NDUFAF2: variants seen among roughly 807,000 people sequenced by gnomAD.
NDUFAF2 encodes NADH dehydrogenase [ubiquinone] 1 alpha subcomplex assembly factor 2.
Under a neutral mutation model 22.8 loss-of-function variants are expected in NDUFAF2, and 13 were observed. The observed-to-expected ratio is 0.57, with a 90% CI of 0.37 to 0.91. The LOEUF (loss-of-function observed/expected upper bound fraction) is 0.91. Among genes scored for constraint, NDUFAF2 ranks in the 40% least tolerant of loss-of-function variants. The pLI, the probability that NDUFAF2 is intolerant of heterozygous loss-of-function variation, is 0.01. For missense variants in NDUFAF2, 162 were observed against 195.2 expected (o/e 0.83, Z 1.01); for synonymous variants, 53 against 64.2 (o/e 0.83, Z 0.84).
In NDUFAF2 at chr5:61,034,912, A is replaced by ATATGTGTGTGTG. The variant is rs111557328; in HGVS notation, c.128-38212_128-38211insATGTGTGTGTGT. ...GGTTTTTTTAGGTAGGCAAATATAT[A>ATATGTGTGTGTG]TGTGTGTGTGTGTGTGTGTGTGTGT... is the stretch of plus-strand genomic sequence containing the variant. On this transcript the variant is annotated intron_variant, in intron 1 of 3. Transcript: ENST00000296597. Among the ~76,000 whole-genome samples, 1,101 of 144,966 alleles carry ATATGTGTGTGTG rather than the reference A, an allele frequency of 7.6e-3. 46 individuals carry two copies. Among genetic ancestry groups the ATATGTGTGTGTG allele is most frequent in the Admixed American group, 0.062 (890 of 14,268 alleles).
chr5:61,099,351 G>T lies in NDUFAF2; in HGVS notation c.258+319G>T, dbSNP rs182513469. Among the ~76,000 whole-genome samples the T allele has an allele frequency of 5.9e-5, 9 of 151,366 alleles. No homozygotes were observed. In the East Asian group the frequency reaches 1.7e-3, roughly 29 times the overall value. On this transcript the variant is annotated intron_variant, in intron 3 of 3. Transcript: ENST00000296597. ...AGTTTGCACCAGGTTATTTCCCCTGGGCCCTGGGGGTTCTCTGTGCCAATA... is the reference window on the plus strand; with the variant it reads ...AGTTTGCACCAGGTTATTTCCCCTGTGCCCTGGGGGTTCTCTGTGCCAATA...
intron 1 of NDUFAF2, among the ~76,000 whole-genome samples, chr5:61,008,734 G>A (rs762961650): frequency 1.3e-5 from 2 of 152,108 alleles, no homozygotes; most frequent in East Asian, 1.9e-4. Flanking sequence ...GACAGAACCC[G>A]AATGTAAACA....
chr5:61,096,656 G>A (rs1271778699), intron 2 of NDUFAF2, among the ~76,000 whole-genome samples: 2 of 150,610 alleles, frequency 1.3e-5, no homozygotes, highest in Non-Finnish European at 3.0e-5. Flanking sequence ...CCAAATAGGA[G>A]TAAAAGCTAA....
intron 2 of NDUFAF2, among the ~76,000 whole-genome samples, chr5:61,080,551 A>G (rs1410552751): frequency 6.6e-6 from 1 of 152,138 alleles, no homozygotes; most frequent in African/African-American, 2.4e-5. Context: ...AGCCATTCTA[A>G]TTGGTGTGTT....
chr5:60,971,994 G>A (rs1183467347), intron 1 of NDUFAF2, among the ~76,000 whole-genome samples: 2 of 145,470 alleles, frequency 1.4e-5, no homozygotes, highest in Non-Finnish European at 3.0e-5. Context: ...CCAGGCTGGA[G>A]TGCAGTGGTG....
chr5:61,000,755 A>T (rs1561538671), intron 1 of NDUFAF2, among the ~76,000 whole-genome samples: 1 of 152,070 alleles, frequency 6.6e-6, no homozygotes, highest in East Asian at 1.9e-4. Flanking sequence ...ATGACCAGTG[A>T]CTGCTGGAGA....
chr5:61,003,174 T>C (rs1195140294), intron 1 of NDUFAF2, among the ~76,000 whole-genome samples: 1 of 152,152 alleles, frequency 6.6e-6, no homozygotes, highest in Admixed American at 6.6e-5. Context: ...CTATTTGGCA[T>C]TCTGTTGAAT....
chr5:61,086,754 TA>T (rs554552179), intron 2 of NDUFAF2, among the ~76,000 whole-genome samples: 4 of 151,706 alleles, frequency 2.6e-5, no homozygotes, highest in Non-Finnish European at 5.9e-5. Context: ...AACACAAACT[TA>T]AAAAAAATGA....
rs142665309 is a variant in NDUFAF2, at chr5:60,980,158, A to G, written c.127+34776A>G. On this transcript the variant is annotated intron_variant, in intron 1 of 3. Coordinates refer to ENST00000296597, the MANE Select transcript of NDUFAF2 (RefSeq NM_174889.5). ...CCAAAGATCATAACACCCTTTGAATACTTGGAAAGCCTTCCCAAGAATGAT... is the reference window on the plus strand; with the variant it reads ...CCAAAGATCATAACACCCTTTGAATGCTTGGAAAGCCTTCCCAAGAATGAT... Among the ~76,000 whole-genome samples the G allele has an allele frequency of 1.1e-4, 17 of 152,298 alleles. No homozygotes were observed. The East Asian group carries it at 3.1e-3, about 28-fold the overall frequency.
chr5:61,084,046 A>G (rs555413831), intron 2 of NDUFAF2, among the ~76,000 whole-genome samples: 15 of 151,764 alleles, frequency 9.9e-5, no homozygotes, highest in African/African-American at 3.4e-4. Flanking sequence ...CTTGTTCTTG[A>G]TCTTAGCAGG....
intron 1 of NDUFAF2, among the ~76,000 whole-genome samples, chr5:61,018,758 A>G (rs776222295): frequency 1.1e-4 from 16 of 152,122 alleles, no homozygotes; most frequent in Non-Finnish European, 2.2e-4. Context: ...AAAGTAATGG[A>G]AACTTTAAAT....
intron 1 of NDUFAF2, among the ~76,000 whole-genome samples, chr5:60,951,838 G>T (rs1321928737): frequency 3.3e-5 from 5 of 151,848 alleles, no homozygotes; most frequent in African/African-American, 1.2e-4. Context: ...TTTCCTTGTT[G>T]GAAGGCTGGA....
At chr5:61,019,909 T>C (rs1002523617) in intron 1 of NDUFAF2, among the ~76,000 whole-genome samples, 1 of 152,136 alleles carries the variant, frequency 6.6e-6, no homozygotes, top group Admixed American at 6.5e-5. Flanking sequence ...TGTTCCTAAG[T>C]GTCCTGGAAA....
At chr5:60,977,430 A>AT (rs1750917170) in intron 1 of NDUFAF2, among the ~76,000 whole-genome samples, 1 of 151,964 alleles carries the variant, frequency 6.6e-6, no homozygotes, top group Non-Finnish European at 1.5e-5. Flanking sequence ...TCCAAAAAAA[A>AT]AGAAAAAATT....
intron 1 of NDUFAF2, among the ~76,000 whole-genome samples, chr5:61,018,252 G>T (rs1751537594): frequency 6.6e-6 from 1 of 152,170 alleles, no homozygotes; most frequent in African/African-American, 2.4e-5. Flanking sequence ...TCATGTTAGA[G>T]CCTGAACTTA....
At chr5:61,071,202 A>G (rs955630976) in intron 1 of NDUFAF2, among the ~76,000 whole-genome samples, 8 of 152,142 alleles carry the variant, frequency 5.3e-5, no homozygotes, top group African/African-American at 1.9e-4. Flanking sequence ...TGTTCCTACC[A>G]CTTTTAGTAT....
At position 61,018,860 on chromosome 5, in the gene NDUFAF2, C is replaced by A. The variant is rs185216370; in HGVS notation, c.128-54265C>A. Among the ~76,000 whole-genome samples the A allele has an allele frequency of 3.0e-3, 460 of 152,112 alleles. 1 individual carries two copies. The highest frequency in any genetic ancestry group is 0.024 in the Middle Eastern group (7 of 292). ...TAAGAGCCTGCATTTTATTGCATAT[C>A]TTATATGGATGTTATTAGAATACCA... On this transcript the variant is annotated intron_variant, in intron 1 of 3. Coordinates refer to ENST00000296597, the MANE Select transcript of NDUFAF2 (RefSeq NM_174889.5).
At chr5:60,975,084 T>C (rs1190160322) in intron 1 of NDUFAF2, among the ~76,000 whole-genome samples, 2 of 152,168 alleles carry the variant, frequency 1.3e-5, no homozygotes, top group African/African-American at 4.8e-5. Context: ...GCTGGGATTA[T>C]AGGTGTAAGT....
intron 1 of NDUFAF2, among the ~76,000 whole-genome samples, chr5:61,064,732 A>G (rs1235861953): frequency 6.6e-6 from 1 of 152,114 alleles, no homozygotes; most frequent in Non-Finnish European, 1.5e-5. Context: ...CAGCAAACGC[A>G]TTTCTAAGAG....
Sources: allele counts gnomAD v4.1 joint callset (sites outside exome capture counted in the v4.1 genomes callset), GRCh38; gene constraint gnomAD v4.1.1; transcripts MANE v1.5; gene names NCBI Gene and HGNC (gene_info 2026-07-23, HGNC 2026-07-21).